The following MELK variants were observed in gnomAD, a reference collection of about 807,000 sequenced individuals.
MELK encodes maternal embryonic leucine zipper kinase.
Under a neutral mutation model 85.0 loss-of-function variants are expected in MELK, and 81 were observed. The observed-to-expected ratio is 0.95, with a 90% CI of 0.80 to 1.15. The LOEUF (loss-of-function observed/expected upper bound fraction) is 1.15, where lower values mean the gene tolerates loss of function less well. Among genes scored for constraint, MELK ranks in the 50% most tolerant of loss-of-function variants. MELK has a pLI of 0.00. For missense variants in MELK, 754 were observed against 777.5 expected (o/e 0.97, Z 0.36); for synonymous variants, 252 against 265.0 (o/e 0.95, Z 0.48).
At chr9:36,622,728 C>G (rs1402635510) in intron 8 of MELK, among the ~76,000 whole-genome samples, 1 of 152,156 alleles carries the variant, frequency 6.6e-6, no homozygotes, top group Non-Finnish European at 1.5e-5. Context: ...AGCAAGTTGT[C>G]TCTTTATGAA....
intron 13 of MELK, among the ~76,000 whole-genome samples, chr9:36,664,297 A>C (rs1209866003): frequency 6.6e-6 from 1 of 152,142 alleles, no homozygotes; most frequent in South Asian, 2.1e-4. Context: ...TGAAATCTTT[A>C]TGCTCATAGT....
At chr9:36,592,172 CTT>C (rs35073009) in intron 4 of MELK, among the ~76,000 whole-genome samples, 5 of 117,320 alleles carry the variant, frequency 4.3e-5, no homozygotes, top group Middle Eastern at 4.5e-3. Flanking sequence ...CATTTCTTTT[CTT>C]TTTTTTTTTT....
intron 12 of MELK, among the ~76,000 whole-genome samples, chr9:36,656,519 C>T (rs1461964282): frequency 6.6e-6 from 1 of 152,204 alleles, no homozygotes; most frequent in African/African-American, 2.4e-5. Context: ...GGGCCTTGCC[C>T]TATGCCTGGA....
At chr9:36,575,276 T>C (rs1202705885) in intron 1 of MELK, among the ~76,000 whole-genome samples, 1 of 152,240 alleles carries the variant, frequency 6.6e-6, no homozygotes, top group African/African-American at 2.4e-5. Context: ...GTCTTCCGCG[T>C]TGACTGATAA....
chr9:36,617,635 G>A (rs1397392670), intron 8 of MELK, among the ~76,000 whole-genome samples: 1 of 152,034 alleles, frequency 6.6e-6, no homozygotes, highest in Non-Finnish European at 1.5e-5. Context: ...ATTTTTTATT[G>A]TCATATTTGG....
At chr9:36,586,682 C>T (rs1376931366) in intron 3 of MELK, among the ~76,000 whole-genome samples, 1 of 152,110 alleles carries the variant, frequency 6.6e-6, no homozygotes, top group Non-Finnish European at 1.5e-5. Context: ...ACTTAAATAG[C>T]AAACAAAATG....
chr9:36,634,822 C>G (rs1207795537), intron 10 of MELK, among the ~76,000 whole-genome samples: 6 of 151,836 alleles, frequency 4.0e-5, no homozygotes, highest in African/African-American at 9.7e-5. Context: ...TATGGTGAAA[C>G]TCTGTCTCTA....
chr9:36,618,363 T>C (rs1368264520), intron 8 of MELK, among the ~76,000 whole-genome samples: 5 of 145,520 alleles, frequency 3.4e-5, no homozygotes, highest in Admixed American at 2.8e-4. Flanking sequence ...GAGCTGAGAT[T>C]GCGCCACTGC....
intron 10 of MELK, among the ~76,000 whole-genome samples, chr9:36,634,484 G>C (rs1332105125): frequency 1.3e-5 from 2 of 151,960 alleles, no homozygotes; most frequent in Non-Finnish European, 2.9e-5. Context: ...GCTGAGGCAG[G>C]CGTATTACTT....
chr9:36,617,156 A>C (rs1309469065), intron 8 of MELK, among the ~76,000 whole-genome samples: 2 of 152,144 alleles, frequency 1.3e-5, no homozygotes, highest in Non-Finnish European at 2.9e-5. Context: ...ATTGCTTCCC[A>C]GTAAAGTCCT....
intron 8 of MELK, among the ~76,000 whole-genome samples, chr9:36,608,911 C>A (rs1419708380): frequency 1.3e-5 from 2 of 152,186 alleles, no homozygotes; most frequent in Admixed American, 1.3e-4. Context: ...ACATATACTT[C>A]TTCAATGAAA....
intron 1 of MELK, among the ~76,000 whole-genome samples, chr9:36,573,698 G>T (rs1289653835): frequency 6.6e-6 from 1 of 151,794 alleles, no homozygotes; most frequent in Non-Finnish European, 1.5e-5. Flanking sequence ...GTAGAGACGG[G>T]GTTTCACCAC....
intron 1 of MELK, among the ~76,000 whole-genome samples, chr9:36,576,885 T>C (rs1297057378): frequency 6.6e-6 from 1 of 152,200 alleles, no homozygotes; most frequent in African/African-American, 2.4e-5. Flanking sequence ...AAATGATTCA[T>C]GGAATCAGTG....
At chr9:36,616,918 T>C (rs1026291599) in intron 8 of MELK, among the ~76,000 whole-genome samples, 2 of 150,084 alleles carry the variant, frequency 1.3e-5, no homozygotes, top group Non-Finnish European at 3.0e-5. Context: ...TTGGAAATCA[T>C]AGCACTTCAT....
intron 10 of MELK, among the ~76,000 whole-genome samples, chr9:36,635,758 A>G (rs1453865141): frequency 6.6e-6 from 1 of 152,122 alleles, no homozygotes; most frequent in Non-Finnish European, 1.5e-5. Context: ...AAGTTTAAAC[A>G]ATTTAAAAAA....
chr9:36,671,970 C>G (rs1278142874), intron 16 of MELK, among the ~76,000 whole-genome samples: 1 of 151,998 alleles, frequency 6.6e-6, no homozygotes, highest in Admixed American at 6.6e-5. Context: ...AAACACATTC[C>G]AAGAGGTGTG....
chr9:36,673,212 C>T (rs1022138984), intron 16 of MELK, among the ~76,000 whole-genome samples: 2 of 152,144 alleles, frequency 1.3e-5, no homozygotes, highest in African/African-American at 4.8e-5. Context: ...ATCATCTTAA[C>T]AGAGCCAATT....
intron 16 of MELK, among the ~76,000 whole-genome samples, chr9:36,671,908 T>C (rs569054740): frequency 1.2e-3 from 187 of 152,282 alleles, no homozygotes; most frequent in African/African-American, 4.0e-3. Context: ...AGGCTGGCTG[T>C]GAAAACAGGC....
intron 9 of MELK, among the ~76,000 whole-genome samples, chr9:36,632,263 A>T (rs754199113): frequency 2.0e-5 from 3 of 152,298 alleles, no homozygotes; most frequent in Non-Finnish European, 2.9e-5. Flanking sequence ...TGAGCCTCTG[A>T]GGGTGAAAGA....
Sources: gnomAD v4.1 joint callset for allele counts (sites outside exome capture counted in the v4.1 genomes callset) on GRCh38, gnomAD v4.1.1 for gene constraint, MANE v1.5 for transcripts, NCBI Gene and HGNC (gene_info 2026-07-23, HGNC 2026-07-21) for gene names.